CSNK1G3: variants seen among roughly 807,000 people sequenced by gnomAD.
CSNK1G3 encodes the protein casein kinase I isoform gamma-3.
In CSNK1G3, 23 loss-of-function variants were observed where a neutral mutation model predicts 64.3. The ratio of observed to expected loss-of-function variants is 0.36; its 90% CI spans 0.26 to 0.51. The LOEUF is 0.51. Ranked by LOEUF, CSNK1G3 falls within the 20% of genes least tolerant of loss-of-function variation. The pLI is 0.96. For missense variants in CSNK1G3, 357 were observed against 510.5 expected, an observed-to-expected ratio of 0.70 and a Z score of 2.90; for synonymous variants, 158 against 162.2, an observed-to-expected ratio of 0.97 and a Z score of 0.20.
chr5:123,541,491 C>A (rs953888687), intron 1 of CSNK1G3, among the ~76,000 whole-genome samples: 1 of 152,126 alleles, frequency 6.6e-6, no homozygotes, highest in Non-Finnish European at 1.5e-5. Flanking sequence ...TGCAGTGGCA[C>A]AATCTCAGCT....
chr5:123,559,284 T>A (rs1785216074), intron 4 of CSNK1G3, among the ~76,000 whole-genome samples: 1 of 151,984 alleles, frequency 6.6e-6, no homozygotes, highest in Non-Finnish European at 1.5e-5. Flanking sequence ...TCTAGTACAG[T>A]AATAAAACTG....
intron 4 of CSNK1G3, among the ~76,000 whole-genome samples, chr5:123,564,315 GATTA>G (rs1245160010): frequency 6.6e-6 from 1 of 151,942 alleles, no homozygotes; most frequent in African/African-American, 2.4e-5. Flanking sequence ...TATTTTCAAT[GATTA>G]ATTAAGCACA....
At chr5:123,587,201 G>C (rs1791490673) in intron 6 of CSNK1G3, among the ~76,000 whole-genome samples, 1 of 152,154 alleles carries the variant, frequency 6.6e-6, no homozygotes, top group Non-Finnish European at 1.5e-5. Context: ...ACTTTGAAAA[G>C]TTTGCTTTTC....
chr5:123,584,728 G>A (rs1790993809), intron 6 of CSNK1G3, among the ~76,000 whole-genome samples: 1 of 152,148 alleles, frequency 6.6e-6, no homozygotes, highest in South Asian at 2.1e-4. Flanking sequence ...ATTTTGGGAA[G>A]TTTTTAAATA....
At chr5:123,521,659 T>C (rs1778133746) in intron 1 of CSNK1G3, among the ~76,000 whole-genome samples, 1 of 152,206 alleles carries the variant, frequency 6.6e-6, no homozygotes, top group Non-Finnish European at 1.5e-5. Flanking sequence ...AATTTCCAGT[T>C]GAAAATTAGT....
intron 2 of CSNK1G3, among the ~76,000 whole-genome samples, chr5:123,551,810 A>T (rs1295798120): frequency 6.6e-6 from 1 of 152,144 alleles, no homozygotes; most frequent in African/African-American, 2.4e-5. Flanking sequence ...CCAAAAAACT[A>T]TCATTGTTTT....
chr5:123,534,919 A>G (rs1282538027), intron 1 of CSNK1G3, among the ~76,000 whole-genome samples: 1 of 152,186 alleles, frequency 6.6e-6, no homozygotes, highest in Non-Finnish European at 1.5e-5. Context: ...GTTGTTCAGC[A>G]TAGTGCCATT....
chr5:123,546,578 A>G (rs1266171973), intron 2 of CSNK1G3, among the ~76,000 whole-genome samples: 1 of 151,936 alleles, frequency 6.6e-6, no homozygotes, highest in African/African-American at 2.4e-5. Context: ...AAAAACTAAG[A>G]AGGAGGGTGT....
intron 2 of CSNK1G3, among the ~76,000 whole-genome samples, chr5:123,551,532 T>C (rs959593398): frequency 1.2e-4 from 19 of 152,336 alleles, no homozygotes; most frequent in African/African-American, 4.6e-4. Context: ...TTTTTTGCCC[T>C]TTATTTTCTC....
intron 6 of CSNK1G3, among the ~76,000 whole-genome samples, chr5:123,583,275 A>G (rs1790664899): frequency 1.4e-5 from 2 of 141,544 alleles, no homozygotes; most frequent in African/African-American, 2.6e-5. Context: ...GTATCCTTAC[A>G]TATTTCCTGT....
chr5:123,528,227 C>T (rs576271466), intron 1 of CSNK1G3, among the ~76,000 whole-genome samples: 2 of 152,178 alleles, frequency 1.3e-5, no homozygotes, highest in African/African-American at 4.8e-5. Context: ...GAGTTGAAAT[C>T]ACTGTGTAAA....
At chr5:123,530,752 G>A (rs1187717351) in intron 1 of CSNK1G3, among the ~76,000 whole-genome samples, 2 of 152,226 alleles carry the variant, frequency 1.3e-5, no homozygotes, top group African/African-American at 4.8e-5. Flanking sequence ...AAACTGTAAA[G>A]TGTTGTAGAT....
At chr5:123,595,045 G>C in intron 10 of CSNK1G3, 2 of 1,613,464 alleles carry the variant, frequency 1.2e-6, no homozygotes, top group Admixed American at 3.3e-5. Flanking sequence ...GCAGTCGGCA[G>C]ACCACAGGGC....
chr5:123,548,748 A>T (rs942687049), intron 2 of CSNK1G3, among the ~76,000 whole-genome samples: 1 of 152,066 alleles, frequency 6.6e-6, no homozygotes, highest in African/African-American at 2.4e-5. Flanking sequence ...TGTAAAAAAA[A>T]AAAAATGATA....
At chr5:123,518,571 A>G (rs903003365) in intron 1 of CSNK1G3, among the ~76,000 whole-genome samples, 5 of 152,200 alleles carry the variant, frequency 3.3e-5, no homozygotes, top group Admixed American at 3.3e-4. Context: ...TCTCTGGAAA[A>G]GCAAATACAT....
chr5:123,610,126 C>T (rs996579759), intron 12 of CSNK1G3, among the ~76,000 whole-genome samples: 4 of 152,096 alleles, frequency 2.6e-5, no homozygotes, highest in Non-Finnish European at 2.9e-5. Flanking sequence ...GAAGATGGGC[C>T]TGCAGGCTTT....
At chr5:123,538,247 ACTGT>A (rs1290543961) in intron 1 of CSNK1G3, among the ~76,000 whole-genome samples, 1 of 152,140 alleles carries the variant, frequency 6.6e-6, no homozygotes, top group Non-Finnish European at 1.5e-5. Flanking sequence ...TTTATAAGAA[ACTGT>A]CAACCTTTTT....
intron 1 of CSNK1G3, 65 bp from the exon 2 acceptor site, chr5:123,545,352 T>A (rs2150263300): frequency 5.0e-6 from 1 of 201,006 alleles, no homozygotes; most frequent in African/African-American, 2.3e-5. Context: ...TGTTATGTTA[T>A]CTAATTTCCC....
At chr5:123,526,858 GTGTGTGTGTGTGTGTGTGTGTGTA>G in intron 1 of CSNK1G3, among the ~76,000 whole-genome samples, 1 of 116,372 alleles carries the variant, frequency 8.6e-6, no homozygotes, top group South Asian at 2.5e-4. Context: ...GTGTGTGTGT[GTGTGTGTGTGTGTGTGTGTGTGTA>G]TGAACATAAT....
Sources: gnomAD v4.1 joint callset for allele counts (sites outside exome capture counted in the v4.1 genomes callset) on GRCh38, gnomAD v4.1.1 for gene constraint, MANE v1.5 for transcripts, NCBI Gene and HGNC (gene_info 2026-07-23, HGNC 2026-07-21) for gene names.